The following ABCA13 variants were observed in gnomAD, a reference collection of about 807,000 sequenced individuals.
ABCA13 encodes ATP binding cassette subfamily A member 13.
Under a neutral mutation model 478.7 loss-of-function variants are expected in ABCA13, and 476 were observed. The observed-to-expected ratio is 0.99, with a 90% CI of 0.92 to 1.07. The LOEUF (loss-of-function observed/expected upper bound fraction) is 1.07. Ranked by LOEUF, ABCA13 falls within the 50% of genes least tolerant of loss-of-function variation. ABCA13 has a pLI of 0.00. For missense variants in ABCA13, 6,060 were observed against 5,910.6 expected, an observed-to-expected ratio of 1.03 and a Z score of -0.83; for synonymous variants, 2,252 against 2,158.9, an observed-to-expected ratio of 1.04 and a Z score of -1.20.
At chr7:48,359,590 T>C (rs1810496152) in intron 31 of ABCA13, among the ~76,000 whole-genome samples, 1 of 151,882 alleles carries the variant, frequency 6.6e-6, no homozygotes, top group Non-Finnish European at 1.5e-5. Flanking sequence ...ATGGTTGATG[T>C]GGACTGGTCC....
chr7:48,410,995 CTTT>C (rs1818974926), intron 40 of ABCA13, among the ~76,000 whole-genome samples: 1 of 102,814 alleles, frequency 9.7e-6, no homozygotes, highest in Non-Finnish European at 2.1e-5. Context: ...TTCTTTCTTT[CTTT>C]CTTTCTTTCT....
chr7:48,176,767 G>A (rs1794940503), intron 1 of ABCA13, among the ~76,000 whole-genome samples: 1 of 152,150 alleles, frequency 6.6e-6, no homozygotes, highest in South Asian at 2.1e-4. Context: ...GGCTAGGTAG[G>A]GAGCTTTCCA....
At chr7:48,517,923 A>G (rs1057098426) in intron 52 of ABCA13, among the ~76,000 whole-genome samples, 10 of 152,176 alleles carry the variant, frequency 6.6e-5, no homozygotes, top group African/African-American at 1.9e-4. Flanking sequence ...ACTGATGCCT[A>G]TTTAATTGGG....
chr7:48,219,443 A>C lies in ABCA13; in HGVS notation c.377A>C (p.His126Pro), dbSNP rs768177909. ...KEIQDLAEEI[H>P]GMMDKAKNLK... ...ATACAAGACCTGGCAGAGGAAATTC[A>C]TGGAATGATGGACAAGGCAAAAAAC... The change falls in exon 4 of 62, where the codon CAT (histidine) becomes CCT (proline). Residue 126 changes from histidine to proline, a missense_variant. Around this residue, in one of 3 missense-constraint regions of ABCA13, gnomAD observed 4,423 missense variants for 4,309.1 expected, o/e 1.03. Coordinates refer to ENST00000435803, the MANE Select transcript of ABCA13 (RefSeq NM_152701.5). 1.9e-6 allele frequency: 3 copies of C among 1,613,514 alleles called. No homozygotes were observed. The highest frequency in any genetic ancestry group is 2.5e-6 in the Non-Finnish European group (3 of 1,179,724).
At chr7:48,333,589 G>A (rs1409315013) in intron 27 of ABCA13, among the ~76,000 whole-genome samples, 1 of 152,072 alleles carries the variant, frequency 6.6e-6, no homozygotes, top group African/African-American at 2.4e-5. Flanking sequence ...TATTTTTGTG[G>A]GTAGTCATTC....
At chr7:48,179,431 G>A (rs543952786) in intron 1 of ABCA13, among the ~76,000 whole-genome samples, 1 of 152,200 alleles carries the variant, frequency 6.6e-6, no homozygotes, top group African/African-American at 2.4e-5. Context: ...CTCCCCCACT[G>A]CCTGCTGTCA....
At chr7:48,218,289 G>C (rs1786796139) in intron 3 of ABCA13, among the ~76,000 whole-genome samples, 1 of 152,194 alleles carries the variant, frequency 6.6e-6, no homozygotes, top group Admixed American at 6.5e-5. Flanking sequence ...ATAGCTTTCA[G>C]AGGTCATTTT....
At chr7:48,416,875 C>G (rs1411723141) in intron 41 of ABCA13, among the ~76,000 whole-genome samples, 1 of 152,076 alleles carries the variant, frequency 6.6e-6, no homozygotes, top group African/African-American at 2.4e-5. Context: ...GCTTGCTGTA[C>G]TTCAGTCCTT....
At position 48,547,910 on chromosome 7, in the gene ABCA13, A is replaced by G. The variant is rs957824575; in HGVS notation, c.14354+19565A>G. Among the ~76,000 whole-genome samples the G allele has an allele frequency of 1.3e-5, 2 of 151,880 alleles. 1 individual carries two copies. The highest frequency in any genetic ancestry group is 1.3e-4 in the Admixed American group (2 of 15,198). On this transcript the variant is annotated intron_variant, in intron 55 of 61. Transcript: ENST00000435803. ...CTTCAACTTACAGTATTTTAAACTTACAATAGGTTTATTGGGATGTAACCC... is the reference window on the plus strand; with the variant it reads ...CTTCAACTTACAGTATTTTAAACTTGCAATAGGTTTATTGGGATGTAACCC...
chr7:48,279,676 A>C lies in ABCA13; in HGVS notation c.8482A>C (p.Lys2828Gln). ...NVLSRIALWR[K>Q]GLLFNNSEWI... ...TTTAAGTAGAATAGCTCTCTGGAGG[A>C]AAGGACTTCTGTTTAACAACTCTGA... is the stretch of plus-strand genomic sequence containing the variant. The change falls in exon 18 of 62, where the codon AAA (lysine) becomes CAA (glutamine). Residue 2828 changes from lysine to glutamine, a missense_variant. Physicochemically the swap from Lys to Gln is moderately conservative, Grantham distance 53. This residue lies in a region of ABCA13 where 4,423 missense variants were observed against 4,309.1 expected (regional missense o/e 1.03). Transcript: ENST00000435803. 6.2e-7 allele frequency: 1 copy of C among 1,613,586 alleles called. No individual in the cohort carries two copies. Among genetic ancestry groups the C allele is most frequent in the Non-Finnish European group, 8.5e-7 (1 of 1,179,744 alleles).
Position 48,397,913 on chromosome 7 carries a change from G to A in ABCA13, c.11874-5770G>A, listed in dbSNP as rs75074602. ...ATCATCCTTTCTTCTTTTGTCCCCC[G>A]CTCAGCATTCACATTATTGTCATAA... On this transcript the variant is annotated intron_variant, in intron 38 of 61. Transcript: ENST00000435803. Among the ~76,000 whole-genome samples the A allele has an allele frequency of 4.5e-3, 678 of 152,176 alleles. 28 individuals carry two copies. In the East Asian group the frequency reaches 0.097, roughly 22 times the overall value.
chr7:48,203,513 A>G (rs567478549), intron 3 of ABCA13, among the ~76,000 whole-genome samples: 6 of 152,328 alleles, frequency 3.9e-5, no homozygotes, highest in African/African-American at 1.4e-4. Flanking sequence ...TTCCTCAGGT[A>G]AGTTCACTTT....
chr7:48,226,460 C>T (rs1788222915), intron 5 of ABCA13, among the ~76,000 whole-genome samples: 1 of 152,134 alleles, frequency 6.6e-6, no homozygotes, highest in African/African-American at 2.4e-5. Flanking sequence ...CTGGAGAATG[C>T]TTCTTTTTCT....
intron 59 of ABCA13, among the ~76,000 whole-genome samples, chr7:48,637,198 T>C (rs1272294804): frequency 6.6e-6 from 1 of 151,838 alleles, no homozygotes; most frequent in African/African-American, 2.4e-5. Context: ...CTGCCATCTT[T>C]GCACAGATGG....
intron 3 of ABCA13, among the ~76,000 whole-genome samples, chr7:48,211,686 C>T (rs1785675398): frequency 6.6e-6 from 1 of 152,086 alleles, no homozygotes; most frequent in African/African-American, 2.4e-5. Context: ...GGTGGCCAAT[C>T]CTGCTGGGAC....
At chr7:48,350,238 C>T (rs763643906) in intron 29 of ABCA13, among the ~76,000 whole-genome samples, 1 of 152,088 alleles carries the variant, frequency 6.6e-6, no homozygotes, top group Non-Finnish European at 1.5e-5. Context: ...TCAGGGAAGG[C>T]GTGTTTTTTT....
chr7:48,511,276 T>C, intron 51 of ABCA13, 77 bp downstream of exon 51: 1 of 1,149,718 alleles, frequency 8.7e-7, no homozygotes, highest in South Asian at 1.5e-5. Context: ...GCTTTGAACC[T>C]GCTGTCGACT....
At chr7:48,461,881 A>G (rs1303118001) in intron 43 of ABCA13, among the ~76,000 whole-genome samples, 2 of 152,180 alleles carry the variant, frequency 1.3e-5, no homozygotes, top group Non-Finnish European at 2.9e-5. Context: ...TCTAATTCTC[A>G]TTCCACAAAC....
At chr7:48,367,759 T>C (rs778687927) in intron 31 of ABCA13, 35 bp from the exon 32 acceptor site, 1 of 1,490,870 alleles carries the variant, frequency 6.7e-7, no homozygotes, top group South Asian at 1.2e-5. Flanking sequence ...TCATTTTGCT[T>C]GTCTCCGGAT....
Sources: allele counts gnomAD v4.1 joint callset (sites outside exome capture counted in the v4.1 genomes callset), GRCh38; gene constraint gnomAD v4.1.1; regional missense constraint gnomAD v4.1.1; transcripts MANE v1.5; gene names NCBI Gene and HGNC (gene_info 2026-07-23, HGNC 2026-07-21).